The following NAALADL2 variants were observed in gnomAD, a reference collection of about 807,000 sequenced individuals.
NAALADL2 encodes the protein N-acetylated alpha-linked acidic dipeptidase like 2.
NAALADL2 carries 76 observed loss-of-function variants against 87.2 expected under a neutral mutation model. That is an observed-to-expected ratio of 0.87 (90% CI 0.72 to 1.05). The LOEUF is 1.05. Among genes scored for constraint, NAALADL2 ranks in the 50% least tolerant of loss-of-function variants. The pLI is 0.00. For synonymous variants in NAALADL2, 354 were observed against 331.0 expected (o/e 1.07, Z -0.75); for missense variants, 1,089 against 945.8 (o/e 1.15, Z -1.99).
intron 9 of NAALADL2, among the ~76,000 whole-genome samples, chr3:175,485,189 T>A (rs960056156): frequency 6.6e-6 from 1 of 152,156 alleles, no homozygotes; most frequent in Non-Finnish European, 1.5e-5. Context: ...TGAATGTTTG[T>A]GTTTCCACAA....
chr3:175,466,971 A>G lies in NAALADL2; in HGVS notation c.1328-8A>G. On this transcript the variant is annotated splice_polypyrimidine_tract_variant and splice_region_variant and intron_variant, in intron 7 of 13. Transcript: ENST00000454872. Reference sequence around the variant, plus strand: ...TTTTAAATGGCTCTTGTCCCTTTCTATTTTCAGACCGGTATATCATAGTTG... The same window carrying G: ...TTTTAAATGGCTCTTGTCCCTTTCTGTTTTCAGACCGGTATATCATAGTTG... 6.2e-7 allele frequency: 1 copy of G among 1,605,822 alleles called. No individual in the cohort carries two copies. Among genetic ancestry groups the G allele is most frequent in the Non-Finnish European group, 8.5e-7 (1 of 1,172,810 alleles).
intron 5 of NAALADL2, among the ~76,000 whole-genome samples, chr3:175,414,213 A>C (rs1355489406): frequency 6.6e-6 from 1 of 152,210 alleles, no homozygotes; most frequent in Non-Finnish European, 1.5e-5. Flanking sequence ...CCTGCTGACC[A>C]GTCATAGATT....
intron 1 of NAALADL2, among the ~76,000 whole-genome samples, chr3:175,082,243 T>C (rs779338564): frequency 1.3e-4 from 20 of 152,206 alleles, no homozygotes; most frequent in Non-Finnish European, 2.6e-4. Context: ...AATGACATCT[T>C]TAATCTATGT....
At chr3:174,730,633 A>C (rs1415794869) in intron 2 of NAALADL2, among the ~76,000 whole-genome samples, 1 of 152,070 alleles carries the variant, frequency 6.6e-6, no homozygotes, top group Admixed American at 6.6e-5. Context: ...AATAATGTGA[A>C]GTTTCTAGAG....
chr3:174,719,051 T>G (rs1731465209), intron 2 of NAALADL2, among the ~76,000 whole-genome samples: 1 of 152,228 alleles, frequency 6.6e-6, no homozygotes. Flanking sequence ...CTCCATAGAC[T>G]GTTGCTGCAC....
intron 3 of NAALADL2, among the ~76,000 whole-genome samples, chr3:174,827,334 C>T (rs66699297): frequency 6.6e-6 from 1 of 152,044 alleles, no homozygotes; most frequent in Non-Finnish European, 1.5e-5. Flanking sequence ...GGTCTCAGTG[C>T]GTTAAGGTCT....
At chr3:174,716,718 A>G (rs1731227485) in intron 2 of NAALADL2, among the ~76,000 whole-genome samples, 1 of 152,070 alleles carries the variant, frequency 6.6e-6, no homozygotes, top group Non-Finnish European at 1.5e-5. Context: ...GTGTGTATAT[A>G]CATATATATC....
At chr3:175,195,340 A>T (rs533832594) in intron 2 of NAALADL2, among the ~76,000 whole-genome samples, 13 of 152,002 alleles carry the variant, frequency 8.6e-5, no homozygotes, top group Admixed American at 8.5e-4. Flanking sequence ...AAGCAAATCA[A>T]TGAGTTAATA....
chr3:174,557,891 A>G (rs958637694), intron 2 of NAALADL2, among the ~76,000 whole-genome samples: 1 of 152,132 alleles, frequency 6.6e-6, no homozygotes, highest in African/African-American at 2.4e-5. Context: ...AGCGGAGTCA[A>G]ACAGGAAGCA....
intron 4 of NAALADL2, among the ~76,000 whole-genome samples, chr3:175,266,800 C>T (rs936225038): frequency 6.6e-6 from 1 of 151,648 alleles, no homozygotes; most frequent in Non-Finnish European, 1.5e-5. Context: ...CTTAATATAA[C>T]TTCTTTGTTT....
At chr3:174,858,053 A>G (rs867404050), upstream of NAALADL2, among the ~76,000 whole-genome samples, 1 of 150,614 alleles carries the variant, frequency 6.6e-6, no homozygotes, top group South Asian at 2.1e-4. Flanking sequence ...CTTGAGCTTC[A>G]TATACATATA....
chr3:175,148,450 T>G (rs1463851946), intron 2 of NAALADL2, among the ~76,000 whole-genome samples: 2 of 152,128 alleles, frequency 1.3e-5, no homozygotes, highest in Admixed American at 6.6e-5. Context: ...TTTAATTAGG[T>G]CAATTTTCTC....
At chr3:175,528,042 T>C (rs1733648154) in intron 9 of NAALADL2, among the ~76,000 whole-genome samples, 1 of 152,110 alleles carries the variant, frequency 6.6e-6, no homozygotes, top group Non-Finnish European at 1.5e-5. Context: ...AGTATACTCA[T>C]ATTTGCATAA....
intron 4 of NAALADL2, among the ~76,000 whole-genome samples, chr3:175,295,529 CTT>C (rs1756206907): frequency 6.6e-6 from 1 of 152,134 alleles, no homozygotes; most frequent in South Asian, 2.1e-4. Context: ...AGGCTTTCAA[CTT>C]TTACTGCATG....
At chr3:175,554,888 T>C (rs1310282869) in intron 9 of NAALADL2, among the ~76,000 whole-genome samples, 1 of 152,214 alleles carries the variant, frequency 6.6e-6, no homozygotes, top group Non-Finnish European at 1.5e-5. Flanking sequence ...TACCTTATTC[T>C]AACCTGCTAT....
intron 3 of NAALADL2, among the ~76,000 whole-genome samples, chr3:175,244,356 G>C (rs780812938): frequency 1.3e-5 from 2 of 151,888 alleles, no homozygotes; most frequent in Non-Finnish European, 2.9e-5. Context: ...AGAAACAGTA[G>C]TCTAGATTCA....
intron 5 of NAALADL2, among the ~76,000 whole-genome samples, chr3:175,353,858 A>T (rs1254356447): frequency 6.6e-6 from 1 of 152,210 alleles, no homozygotes; most frequent in Non-Finnish European, 1.5e-5. Context: ...GAAAACTAAA[A>T]CTACCAAAGG....
At chr3:174,796,496 T>C (rs1718108435) in intron 3 of NAALADL2, among the ~76,000 whole-genome samples, 1 of 152,122 alleles carries the variant, frequency 6.6e-6, no homozygotes, top group Admixed American at 6.5e-5. Flanking sequence ...TGTTTCTGAG[T>C]TGTTTCACTT....
At chr3:174,599,882 A>G (rs1718273208) in intron 2 of NAALADL2, among the ~76,000 whole-genome samples, 1 of 152,130 alleles carries the variant, frequency 6.6e-6, no homozygotes, top group South Asian at 2.1e-4. Flanking sequence ...TTTATATTCT[A>G]TCTGGCATCA....
Sources: allele counts gnomAD v4.1 joint callset (sites outside exome capture counted in the v4.1 genomes callset), GRCh38; gene constraint gnomAD v4.1.1; transcripts MANE v1.5; gene names NCBI Gene and HGNC (gene_info 2026-07-23, HGNC 2026-07-21).